The following CAPS2 variants were observed in gnomAD, a reference collection of about 807,000 sequenced individuals.
CAPS2 encodes calcyphosine 2.
CAPS2 carries 98 observed loss-of-function variants against 86.5 expected under a neutral mutation model. The observed-to-expected ratio is 1.13, with a 90% CI of 0.96 to 1.34. CAPS2 has a LOEUF of 1.34. Among genes scored for constraint, CAPS2 ranks in the 40% most tolerant of loss-of-function variants. The probability of loss-of-function intolerance (pLI) is 0.00; values close to 1 mark genes in which losing one functional copy is unlikely to be tolerated. For synonymous variants in CAPS2, 210 were observed against 225.1 expected (o/e 0.93, Z 0.60); for missense variants, 729 against 686.8 (o/e 1.06, Z -0.69).
intron 1 of CAPS2, among the ~76,000 whole-genome samples, chr12:75,344,928 A>C (rs984664451): frequency 3.3e-5 from 5 of 152,134 alleles, no homozygotes; most frequent in African/African-American, 7.2e-5. Flanking sequence ...GAAGTTGTCC[A>C]GTTTGGAAAG....
chr12:75,276,180 C>T, downstream of CAPS2: 11 of 1,524,378 alleles, frequency 7.2e-6, no homozygotes, highest in Admixed American at 4.3e-5. Context: ...TGCCCATTAC[C>T]TTCTATTTCT....
At chr12:75,293,972 G>T (rs558118686) in intron 11 of CAPS2, among the ~76,000 whole-genome samples, 1 of 151,802 alleles carries the variant, frequency 6.6e-6, no homozygotes, top group African/African-American at 2.4e-5. Flanking sequence ...TCGCACTGTC[G>T]CCCAGGCCGC....
At position 75,343,694 on chromosome 12, in the gene CAPS2, T is replaced by C. The variant is rs779179589; in HGVS notation, c.-394-20472A>G. 1.9e-6 allele frequency: 3 copies of C among 1,592,014 alleles called. No individual in the cohort carries two copies. In the South Asian group the frequency reaches 3.4e-5, roughly 18 times the overall value. ...ATTTAAATTATTTTTATCTTTCAGATTTGGGATAAAGGTTTAGCAAAGATG... is the reference window on the plus strand; with the variant it reads ...ATTTAAATTATTTTTATCTTTCAGACTTGGGATAAAGGTTTAGCAAAGATG... On this transcript the variant is annotated intron_variant, in intron 1 of 5. Transcript: ENST00000551829.
At chr12:75,301,680 G>GA in intron 8 of CAPS2, among the ~76,000 whole-genome samples, 1 of 152,282 alleles carries the variant, frequency 6.6e-6, no homozygotes, top group Non-Finnish European at 1.5e-5. Flanking sequence ...GGCAGAGCTA[G>GA]AAAAAACTTT....
upstream of CAPS2, among the ~76,000 whole-genome samples, chr12:75,330,425 CG>C (rs1314786651): frequency 2.6e-5 from 4 of 152,206 alleles, no homozygotes; most frequent in Admixed American, 6.5e-5. Context: ...GGATCCACGG[CG>C]GTTGTTGTGT....
intron 1 of CAPS2, among the ~76,000 whole-genome samples, chr12:75,358,278 G>C (rs1023110166): frequency 6.6e-6 from 1 of 151,676 alleles, no homozygotes; most frequent in African/African-American, 2.4e-5. Flanking sequence ...GAAATAAAGA[G>C]AAAAGTATAG....
chr12:75,318,441 G>A (rs1437226702), intron 5 of CAPS2, among the ~76,000 whole-genome samples: 1 of 152,040 alleles, frequency 6.6e-6, no homozygotes, highest in Non-Finnish European at 1.5e-5. Context: ...CTTGGCTTGC[G>A]TGGCGTCCCT....
At chr12:75,355,280 CAAAACAA>C (rs761481166) in intron 1 of CAPS2, among the ~76,000 whole-genome samples, 1 of 151,812 alleles carries the variant, frequency 6.6e-6, no homozygotes, top group Non-Finnish European at 1.5e-5. Flanking sequence ...AGTAAACTTA[CAAAACAA>C]AAAATCATTC....
chr12:75,335,030 A>C, upstream of CAPS2: 1 of 834,208 alleles, frequency 1.2e-6, no homozygotes, highest in Non-Finnish European at 1.8e-6. Flanking sequence ...AAAAAGAAAA[A>C]AATTCACACC....
In CAPS2 at chr12:75,376,022, C is replaced by T. The variant is rs114620991; in HGVS notation, c.-395+14816G>A. Among the ~76,000 whole-genome samples, 442 of 152,278 alleles carry T rather than the reference C, an allele frequency of 2.9e-3. 1 individual carries two copies. The highest frequency in any genetic ancestry group is 9.8e-3 in the African/African-American group (406 of 41,566). ...TGGTGAAGGGTATGTCTTCTGGATC[C>T]GCCCAGTTGGAATGAGTAAGTCTAA... On this transcript the variant is annotated intron_variant, in intron 1 of 5. Coordinates refer to the CAPS2 transcript ENST00000551829.
chr12:75,293,397 G>C (rs765010062), intron 11 of CAPS2, 30 bp from the exon 12 acceptor site: 1 of 1,358,810 alleles, frequency 7.4e-7, no homozygotes, highest in Admixed American at 1.8e-5. Flanking sequence ...AATGAAGCTA[G>C]AAAGCATGTA....
intron 1 of CAPS2, 28 bp from the exon 3 acceptor site, chr12:75,325,316 T>A: frequency 6.9e-7 from 1 of 1,456,396 alleles, no homozygotes. Flanking sequence ...ACTTTTTGAA[T>A]CAGTATAAAT....
intron 7 of CAPS2, among the ~76,000 whole-genome samples, chr12:75,310,435 A>G (rs1464306104): frequency 6.6e-6 from 1 of 152,200 alleles, no homozygotes; most frequent in Non-Finnish European, 1.5e-5. Context: ...AAGAGGGGAA[A>G]ATAAATGCAA....
At chr12:75,305,513 A>G in intron 7 of CAPS2, 1 of 613,432 alleles carries the variant, frequency 1.6e-6, no homozygotes, top group South Asian at 1.5e-5. Flanking sequence ...TCCGAGGTGC[A>G]TAGCAACCCT....
chr12:75,287,237 C>G (rs1050199700), intron 14 of CAPS2, among the ~76,000 whole-genome samples: 5 of 152,012 alleles, frequency 3.3e-5, no homozygotes, highest in Non-Finnish European at 2.9e-5. Context: ...CTCTCTCTCT[C>G]TCTCTCTGAC....
intron 1 of CAPS2, among the ~76,000 whole-genome samples, chr12:75,376,861 ACT>A (rs1437300250): frequency 5.9e-5 from 9 of 151,912 alleles, no homozygotes; most frequent in Admixed American, 2.6e-4. Flanking sequence ...AGGAGTTAAG[ACT>A]CTCACTCAGG....
intron 16 of CAPS2, among the ~76,000 whole-genome samples, chr12:75,280,742 T>C (rs976412041): frequency 6.6e-6 from 1 of 151,970 alleles, no homozygotes; most frequent in East Asian, 1.9e-4. Flanking sequence ...AATCAAACTA[T>C]TTCGACAAGA....
intron 14 of CAPS2, among the ~76,000 whole-genome samples, chr12:75,285,965 A>G (rs1324368784): frequency 6.6e-6 from 1 of 152,016 alleles, no homozygotes; most frequent in African/African-American, 2.4e-5. Flanking sequence ...TCACTTTACC[A>G]TTACCATTTA....
chr12:75,298,458 G>C lies in CAPS2; in HGVS notation c.1044+229C>G, dbSNP rs908082768. ...ACAACCCATGTTGTGGAATGGGAAGGGGGGTGTTACAGAAAATAAATGATA... is the reference window on the plus strand; with the variant it reads ...ACAACCCATGTTGTGGAATGGGAAGCGGGGTGTTACAGAAAATAAATGATA... On this transcript the variant is annotated intron_variant, in intron 11 of 16. Coordinates refer to ENST00000393284, the Ensembl canonical transcript of CAPS2. The C allele has an allele frequency of 1.4e-5, 7 of 489,288 alleles. No individual in the cohort carries two copies. The Admixed American group carries it at 2.0e-4, about 14-fold the overall frequency. The allele number at this position is 489,288 out of a possible 1,614,324, so 30.3% of individuals were successfully genotyped here. A position where few individuals can be genotyped will look rare whatever the true frequency, so the allele number is the denominator to read the frequency against.
Sources: gnomAD v4.1 joint callset for allele counts (sites outside exome capture counted in the v4.1 genomes callset) on GRCh38, gnomAD v4.1.1 for gene constraint, MANE v1.5 for transcripts, NCBI Gene and HGNC (gene_info 2026-07-23, HGNC 2026-07-21) for gene names.